The following MON2 variants were observed in gnomAD, a reference collection of about 807,000 sequenced individuals.
MON2 encodes MON2 regulator of endosome-to-Golgi trafficking.
Under a neutral mutation model 208.6 loss-of-function variants are expected in MON2, and 84 were observed. That is an observed-to-expected ratio of 0.40 (90% CI 0.34 to 0.48). The LOEUF is 0.48. MON2 is among the 20% of genes least tolerant of loss of function. The probability of loss-of-function intolerance (pLI) is 0.59; values close to 1 mark genes in which losing one functional copy is unlikely to be tolerated. For missense variants in MON2, 1,611 were observed against 2,015.4 expected (o/e 0.80, Z 3.84); for synonymous variants, 660 against 694.0 (o/e 0.95, Z 0.77).
At position 62,500,887 on chromosome 12, in the gene MON2, TA is replaced by T. The variant is rs2070790233; in HGVS notation, c.663+8del. ...TGCATATATGCTTTTCCAGGTATTT[TA>T]GTTGATAAAAGTAATTTTTATTCTA... is the stretch of plus-strand genomic sequence containing the variant. On this transcript the variant is annotated splice_region_variant and intron_variant, in intron 6 of 34. Transcript: ENST00000393630. 1 of 1,487,564 alleles carries T rather than the reference TA, an allele frequency of 6.7e-7. No individual in the cohort carries two copies. The allele number at this position is 1,487,564 out of a possible 1,614,324, so 92.1% of individuals were successfully genotyped here. A position where few individuals can be genotyped will look rare whatever the true frequency, so the allele number is the denominator to read the frequency against.
chr12:62,486,103 G>T (rs991751937), intron 2 of MON2, among the ~76,000 whole-genome samples: 1 of 152,014 alleles, frequency 6.6e-6, no homozygotes, highest in Admixed American at 6.6e-5. Context: ...TTATGTTGGA[G>T]ACTTACCATA....
At chr12:62,534,542 A>AAATATATATAT (rs1555169522) in intron 12 of MON2, among the ~76,000 whole-genome samples, 3 of 22,852 alleles carry the variant, frequency 1.3e-4, no homozygotes, top group Non-Finnish European at 1.5e-4. Flanking sequence ...AAAAAAAAAA[A>AAATATATATAT]ATATATATAT....
chr12:62,507,383 A>T (rs914425582), intron 7 of MON2, among the ~76,000 whole-genome samples: 1 of 149,550 alleles, frequency 6.7e-6, no homozygotes, highest in Non-Finnish European at 1.5e-5. Context: ...TGGTGTGATC[A>T]TGGCTCACTG....
intron 10 of MON2, among the ~76,000 whole-genome samples, chr12:62,525,450 T>G (rs1224279891): frequency 6.6e-6 from 1 of 152,206 alleles, no homozygotes; most frequent in African/African-American, 2.4e-5. Context: ...TCTGATCACA[T>G]AAGAACAAAA....
rs1217889879 is a variant in MON2, at chr12:62,467,152, G to C, written c.-56G>C. 2.0e-6 allele frequency: 3 copies of C among 1,479,750 alleles called. No individual in the cohort carries two copies. The highest frequency in any genetic ancestry group is 2.8e-6 in the Non-Finnish European group (3 of 1,071,762). The allele number at this position is 1,479,750 out of a possible 1,614,324, so 91.7% of individuals were successfully genotyped here. On this transcript the variant is annotated 5_prime_UTR_variant, in exon 1 of 35. Coordinates refer to ENST00000393630, the MANE Select transcript of MON2 (RefSeq NM_015026.3). The stretch of plus-strand genomic sequence containing the variant: ...GAGCTGCCTGTGGCCCTAAGGAGCT[G>C]ACCGTGCCAGAGCTTGTTTGTACCT...
chr12:62,509,717 C>G (rs2071294410), intron 8 of MON2, among the ~76,000 whole-genome samples: 1 of 151,968 alleles, frequency 6.6e-6, no homozygotes, highest in African/African-American at 2.4e-5. Context: ...AAAATGGAAT[C>G]CAGCCAGAAA....
intron 32 of MON2, among the ~76,000 whole-genome samples, chr12:62,583,570 G>C (rs899130229): frequency 1.3e-5 from 2 of 151,926 alleles, no homozygotes; most frequent in African/African-American, 4.8e-5. Flanking sequence ...CCCAAATCAG[G>C]CATGTCATTA....
rs2075539548 is a variant in MON2, at chr12:62,596,962, C to G, written c.*4213C>G. 1 of 152,134 alleles carries G rather than the reference C, an allele frequency of 6.6e-6. No homozygotes were observed. The highest frequency in any genetic ancestry group is 1.5e-5 in the Non-Finnish European group (1 of 68,012). The allele number at this position is 152,134 out of a possible 1,614,324, so 9.4% of individuals were successfully genotyped here. ...ATATTCTTGGTCATCTCGACTAATTCTGAGGCAATGATGGACAGAGATGCT... is the reference window on the plus strand; with the variant it reads ...ATATTCTTGGTCATCTCGACTAATTGTGAGGCAATGATGGACAGAGATGCT... On this transcript the variant is annotated 3_prime_UTR_variant, in exon 35 of 35. Transcript: ENST00000393630.
chr12:62,548,576 A>G (rs948254086), intron 22 of MON2, among the ~76,000 whole-genome samples: 1 of 152,218 alleles, frequency 6.6e-6, no homozygotes, highest in Non-Finnish European at 1.5e-5. Context: ...TTAAATATTT[A>G]TAGTAATAAA....
intron 19 of MON2, among the ~76,000 whole-genome samples, chr12:62,542,350 CT>C (rs1319893710): frequency 2.0e-5 from 3 of 152,246 alleles, no homozygotes; most frequent in African/African-American, 7.2e-5. Context: ...CCTAAATTGG[CT>C]TTTTTATTCA....
chr12:62,580,406 C>T lies in MON2; in HGVS notation c.4685C>T (p.Ser1562Leu). 3.1e-6 allele frequency: 5 copies of T among 1,598,900 alleles called. No homozygotes were observed. The highest frequency in any genetic ancestry group is 4.3e-6 in the Non-Finnish European group (5 of 1,170,334). ...MLNKGSIHSQ[S>L]SSFTEAEIDI... Reference sequence around the variant, plus strand: ...AACAAGGGCTCAATACATTCTCAGTCATCTTCATTTACAGGTATGTTAATT... The same window carrying T: ...AACAAGGGCTCAATACATTCTCAGTTATCTTCATTTACAGGTATGTTAATT... Residue 1562 changes from serine (S) to leucine (L), a missense_variant, in exon 32 of 35, where the codon TCA becomes TTA. Physicochemically the swap from Ser to Leu is moderately radical, Grantham distance 145. Transcript: ENST00000393630.
chr12:62,560,607 G>GT lies in MON2; in HGVS notation c.3527dup (p.Ser1177ValfsTer8). 1 of 1,614,020 alleles carries GT rather than the reference G, an allele frequency of 6.2e-7. No individual in the cohort carries two copies. Among genetic ancestry groups the GT allele is most frequent in the Non-Finnish European group, 8.5e-7 (1 of 1,179,998 alleles). ...AAGCTTCCAGGAAATTTTACAGATT[G>GT]TGTCCCCTGTCAGAGACTCAGATAA... On this transcript the variant is annotated frameshift_variant, in exon 26 of 35. Coordinates refer to ENST00000393630, the MANE Select transcript of MON2 (RefSeq NM_015026.3). LOFTEE classifies it high-confidence loss of function.
intron 11 of MON2, among the ~76,000 whole-genome samples, chr12:62,528,025 T>A (rs1204104583): frequency 6.6e-6 from 1 of 152,184 alleles, no homozygotes; most frequent in African/African-American, 2.4e-5. Flanking sequence ...GATCTTAATT[T>A]TCTCTTCTTT....
At chr12:62,544,261 A>G (rs1194455837) in intron 20 of MON2, among the ~76,000 whole-genome samples, 1 of 152,094 alleles carries the variant, frequency 6.6e-6, no homozygotes, top group Non-Finnish European at 1.5e-5. Context: ...CCTGGGCAAC[A>G]TAGGGAGACA....
chr12:62,549,678 A>G lies in MON2; in HGVS notation c.2764A>G (p.Ile922Val). 6.3e-7 allele frequency: 1 copy of G among 1,593,854 alleles called. No individual in the cohort carries two copies. The highest frequency in any genetic ancestry group is 8.5e-7 in the Non-Finnish European group (1 of 1,174,156). ...AIRNDQGESL[I>V]RTAFQCLQLV... ...TTCTTTTGTTTTCAGAGAATCCTTG[A>G]TACGAACTGCATTCCAGTGTCTTCA... Residue 922 changes from isoleucine to valine, a missense_variant, in exon 23 of 35, where the codon ATA becomes GTA. Ile to Val is a conservative substitution (Grantham distance 29). Coordinates refer to ENST00000393630, the MANE Select transcript of MON2 (RefSeq NM_015026.3).
chr12:62,546,889 CT>C lies in MON2; in HGVS notation c.2578-4del. On this transcript the variant is annotated splice_polypyrimidine_tract_variant and splice_region_variant and intron_variant, in intron 21 of 34. Transcript: ENST00000393630. ...CTCTTCCTAATTAGTTTCTTGCCCC[CT>C]TTTCAGAGGCTGCAGTTGCTTTTAT... is the stretch of plus-strand genomic sequence containing the variant. 1 of 1,583,278 alleles carries C rather than the reference CT, an allele frequency of 6.3e-7. No homozygotes were observed. Among genetic ancestry groups the C allele is most frequent in the East Asian group, 2.3e-5 (1 of 42,902 alleles).
intron 1 of MON2, among the ~76,000 whole-genome samples, chr12:62,483,518 A>G (rs2069570068): frequency 6.6e-6 from 1 of 152,146 alleles, no homozygotes; most frequent in Admixed American, 6.6e-5. Flanking sequence ...CTGGCCAACT[A>G]AAAATACAAA....
At chr12:62,471,931 G>A (rs112051850) in intron 1 of MON2, among the ~76,000 whole-genome samples, 7 of 152,306 alleles carry the variant, frequency 4.6e-5, no homozygotes, top group African/African-American at 1.7e-4. Context: ...ACAAGTTGTG[G>A]GCAGTTTGGT....
intron 26 of MON2, among the ~76,000 whole-genome samples, chr12:62,562,021 G>C (rs1297739343): frequency 6.6e-6 from 1 of 151,974 alleles, no homozygotes; most frequent in African/African-American, 2.4e-5. Flanking sequence ...GTGTTGTGCA[G>C]GAAAAAAGAA....
Sources: allele counts gnomAD v4.1 joint callset (sites outside exome capture counted in the v4.1 genomes callset), GRCh38; gene constraint gnomAD v4.1.1; transcripts MANE v1.5; gene names NCBI Gene and HGNC (gene_info 2026-07-23, HGNC 2026-07-21).